Variants in LIMCH1 observed in about 807,000 individuals in gnomAD.
LIMCH1 encodes the protein LIM and calponin homology domains-containing protein 1.
In LIMCH1, 113 loss-of-function variants were observed where a neutral mutation model predicts 176.5. That is an observed-to-expected ratio of 0.64 (90% CI 0.55 to 0.75). LIMCH1 has a LOEUF of 0.75. LIMCH1 is among the 30% of genes least tolerant of loss of function. The pLI is 0.00. For synonymous variants in LIMCH1, 619 were observed against 645.9 expected, an observed-to-expected ratio of 0.96 and a Z score of 0.63; for missense variants, 1,674 against 1,814.9, an observed-to-expected ratio of 0.92 and a Z score of 1.41.
chr4:41,390,893 T>C (rs1458045320), intron 1 of LIMCH1, among the ~76,000 whole-genome samples: 1 of 152,236 alleles, frequency 6.6e-6, no homozygotes, highest in African/African-American at 2.4e-5. Context: ...TGAAATATAA[T>C]CAGATGGCCA....
At chr4:41,557,548 G>GTGTATA (rs1014583114) in intron 1 of LIMCH1, among the ~76,000 whole-genome samples, 6 of 144,896 alleles carry the variant, frequency 4.1e-5, no homozygotes, top group African/African-American at 1.5e-4. Flanking sequence ...TATTGCCTCT[G>GTGTATA]TGTGTGTGTG....
intron 1 of LIMCH1, among the ~76,000 whole-genome samples, chr4:41,400,491 G>C (rs16853190): frequency 0.023 from 3,444 of 152,246 alleles, 118 homozygotes; most frequent in African/African-American, 0.078. Context: ...AATTTGCACT[G>C]CATGCAAAGC....
intron 1 of LIMCH1, among the ~76,000 whole-genome samples, chr4:41,469,295 T>C (rs924898246): frequency 1.3e-5 from 2 of 152,248 alleles, no homozygotes; most frequent in South Asian, 4.1e-4. Context: ...TGTTACGTTC[T>C]TCTAGCATAT....
rs1714417195 is a variant in LIMCH1, at chr4:41,680,056, C to T, written c.3570C>T (p.Ala1190=). 1 of 1,610,298 alleles carries T rather than the reference C, an allele frequency of 6.2e-7. No individual in the cohort carries two copies. The highest frequency in any genetic ancestry group is 8.5e-7 in the Non-Finnish European group (1 of 1,178,444). The part of the protein sequence containing the change: ...QDKLKEEWEK[A]QKEVEEEERR... ...AGCTGAAAGAAGAGTGGGAAAAGGC[C>T]CAAAAGGAGGTGGAAGAGGAAGAAC... Residue 1190 remains alanine (A), a synonymous_variant, in exon 24 of 32, where the codon GCC becomes GCT. Coordinates refer to ENST00000503057, the MANE Select transcript of LIMCH1 (RefSeq NM_001330672.2).
chr4:41,544,564 C>A (rs368758713), intron 1 of LIMCH1, among the ~76,000 whole-genome samples: 2 of 152,234 alleles, frequency 1.3e-5, no homozygotes, highest in Admixed American at 6.5e-5. Context: ...TATTCCATTA[C>A]CTAGTTACCT....
intron 1 of LIMCH1, among the ~76,000 whole-genome samples, chr4:41,544,676 T>C (rs1014330951): frequency 1.3e-5 from 2 of 152,216 alleles, no homozygotes; most frequent in South Asian, 2.1e-4. Flanking sequence ...CATGTGTCTC[T>C]GTTGCTGTGG....
intron 19 of LIMCH1, among the ~76,000 whole-genome samples, 197 bp downstream of exon 19, chr4:41,661,707 C>T (rs1026635650): frequency 6.6e-6 from 1 of 152,034 alleles, no homozygotes; most frequent in Non-Finnish European, 1.5e-5. Flanking sequence ...AAAATAGGAG[C>T]CCATGCTCTT....
At chr4:41,500,699 T>A (rs1489247017) in intron 2 of LIMCH1, among the ~76,000 whole-genome samples, 1 of 152,202 alleles carries the variant, frequency 6.6e-6, no homozygotes, top group Non-Finnish European at 1.5e-5. Flanking sequence ...ATCACCAATA[T>A]GACTATGTTG....
At chr4:41,412,870 A>G (rs2059611256) in intron 1 of LIMCH1, among the ~76,000 whole-genome samples, 2 of 152,188 alleles carry the variant, frequency 1.3e-5, no homozygotes, top group African/African-American at 4.8e-5. Context: ...GACTAGTGTG[A>G]TATCACTGAC....
At chr4:41,365,060 C>A (rs2052765708) in intron 1 of LIMCH1, among the ~76,000 whole-genome samples, 1 of 152,204 alleles carries the variant, frequency 6.6e-6, no homozygotes, top group Non-Finnish European at 1.5e-5. Flanking sequence ...TCTGAAGAAA[C>A]AGATGTCCTT....
At chr4:41,392,820 C>G (rs1358112440) in intron 1 of LIMCH1, among the ~76,000 whole-genome samples, 1 of 152,068 alleles carries the variant, frequency 6.6e-6, no homozygotes, top group Non-Finnish European at 1.5e-5. Context: ...CACTTGAGGT[C>G]AGGAATTCGA....
chr4:41,490,064 G>T (rs566564052), intron 1 of LIMCH1, among the ~76,000 whole-genome samples: 1 of 152,144 alleles, frequency 6.6e-6, no homozygotes, highest in African/African-American at 2.4e-5. Context: ...TCTTCATATG[G>T]GGTAGACTGA....
At chr4:41,429,322 G>A (rs2061396961) in intron 1 of LIMCH1, among the ~76,000 whole-genome samples, 1 of 151,866 alleles carries the variant, frequency 6.6e-6, no homozygotes, top group Admixed American at 6.6e-5. Flanking sequence ...TGACCCATGG[G>A]TTTTTTTAAA....
chr4:41,654,078 T>A (rs1400545182), intron 18 of LIMCH1, among the ~76,000 whole-genome samples: 1 of 152,136 alleles, frequency 6.6e-6, no homozygotes, highest in African/African-American at 2.4e-5. Flanking sequence ...AGGAAAAAAA[T>A]GTTCATAAAG....
chr4:41,633,958 T>G, intron 13 of LIMCH1, 150 bp downstream of exon 13: 1 of 825,718 alleles, frequency 1.2e-6, no homozygotes, highest in Non-Finnish European at 1.8e-6. Context: ...GCGAAGAAAT[T>G]TTTCCTCTTT....
At chr4:41,630,167 G>A (rs2093237454) in intron 9 of LIMCH1, among the ~76,000 whole-genome samples, 1 of 151,972 alleles carries the variant, frequency 6.6e-6, no homozygotes, top group Non-Finnish European at 1.5e-5. Flanking sequence ...TGTTGCTCAG[G>A]CTGATCTCGA....
At chr4:41,501,409 G>A (rs1179945451) in intron 2 of LIMCH1, among the ~76,000 whole-genome samples, 2 of 152,174 alleles carry the variant, frequency 1.3e-5, no homozygotes, top group Non-Finnish European at 2.9e-5. Flanking sequence ...ACATGAAGTG[G>A]TGTAATTGGC....
rs570702727 is a variant in LIMCH1, at chr4:41,438,276, A to G, written c.97-56260A>G. Among the ~76,000 whole-genome samples, 48 of 152,302 alleles carry G rather than the reference A, an allele frequency of 3.2e-4. 1 individual carries two copies. The South Asian group carries it at 5.4e-3, about 17-fold the overall frequency. On this transcript the variant is annotated intron_variant, in intron 1 of 26. Transcript: ENST00000313860. ...AATGGAGGTTCAGAGAAGTAAAGGA[A>G]CTTGTTCAGGCCACATCGTCAGGTG...
chr4:41,687,880 C>T lies in LIMCH1; in HGVS notation c.4129C>T (p.Pro1377Ser), dbSNP rs1722168258. The T allele has an allele frequency of 6.2e-7, 1 of 1,613,574 alleles. No individual in the cohort carries two copies. The highest frequency in any genetic ancestry group is 8.5e-7 in the Non-Finnish European group (1 of 1,179,680). Residue 1377 changes from proline to serine, a missense_variant, in exon 29 of 32, where the codon CCC becomes TCC. Coordinates refer to ENST00000503057, the MANE Select transcript of LIMCH1 (RefSeq NM_001330672.2). ...REHFQAGPFS[P>S]CSPTPPGQSP... ...GCACTTCCAGGCTGGGCCTTTCTCT[C>T]CCTGTTCTCCCACCCCTCCCGGTCA...
Sources: allele counts gnomAD v4.1 joint callset (sites outside exome capture counted in the v4.1 genomes callset), GRCh38; gene constraint gnomAD v4.1.1; transcripts MANE v1.5; gene names NCBI Gene and HGNC (gene_info 2026-07-23, HGNC 2026-07-21).